The following ITGB1BP1 variants were observed in gnomAD, a reference collection of about 807,000 sequenced individuals.
The protein encoded by ITGB1BP1 is integrin beta-1-binding protein 1.
Under a neutral mutation model 28.0 loss-of-function variants are expected in ITGB1BP1, and 20 were observed. The ratio of observed to expected loss-of-function variants is 0.71; its 90% CI spans 0.50 to 1.04. The LOEUF is 1.04. Among genes scored for constraint, ITGB1BP1 ranks in the 50% least tolerant of loss-of-function variants. The pLI, the probability that ITGB1BP1 is intolerant of heterozygous loss-of-function variation, is 0.00. For missense variants in ITGB1BP1, 228 were observed against 242.5 expected, an observed-to-expected ratio of 0.94 and a Z score of 0.40; for synonymous variants, 103 against 89.5, an observed-to-expected ratio of 1.15 and a Z score of -0.85.
At chr2:9,421,511 C>A (rs189825953) in intron 1 of ITGB1BP1, among the ~76,000 whole-genome samples, 220 of 152,118 alleles carry the variant, frequency 1.4e-3, no homozygotes, top group African/African-American at 5.1e-3. Context: ...CATGGTGAAA[C>A]CCCGTCTCTA....
At chr2:9,408,012 C>T in intron 5 of ITGB1BP1, 101 bp downstream of exon 5, 2 of 694,632 alleles carry the variant, frequency 2.9e-6, no homozygotes, top group Non-Finnish European at 5.0e-6. Context: ...ACAAACCAAT[C>T]ACTCTGCAAA....
At chr2:9,423,558 C>A (rs570115921), upstream of ITGB1BP1, 1 of 1,133,672 alleles carries the variant, frequency 8.8e-7, no homozygotes, top group East Asian at 3.1e-5. Flanking sequence ...GTCCTACCCC[C>A]GGTTCCAAGA....
In ITGB1BP1 at chr2:9,404,775, T is replaced by C. The variant is rs1677070927; in HGVS notation, c.*2059A>G. ...TTGGCATTGTACTTTTTGTTTTTGT[T>C]ATAAAGGAAGACAGAACAAACTGGA... On this transcript the variant is annotated 3_prime_UTR_variant, in exon 7 of 7. Coordinates refer to ENST00000355346, the MANE Select transcript of ITGB1BP1 (RefSeq NM_004763.5). 1.3e-5 allele frequency: 2 copies of C among 152,544 alleles called. No homozygotes were observed. Among genetic ancestry groups the C allele is most frequent in the Admixed American group, 1.3e-4 (2 of 15,264 alleles). The allele number at this position is 152,544 out of a possible 1,614,324, so 9.4% of individuals were successfully genotyped here. A position where few individuals can be genotyped will look rare whatever the true frequency, so the allele number is the denominator to read the frequency against.
At position 9,415,252 on chromosome 2, in the gene ITGB1BP1, A is replaced by C. The variant is rs1357191091; in HGVS notation, c.73-996T>G. Among the ~76,000 whole-genome samples the C allele has an allele frequency of 6.6e-6, 1 of 152,154 alleles. No homozygotes were observed. Among genetic ancestry groups the C allele is most frequent in the Non-Finnish European group, 1.5e-5 (1 of 68,022 alleles). On this transcript the variant is annotated intron_variant, in intron 2 of 6. Transcript: ENST00000355346. The surrounding 1 kb of genome is among the most constrained non-coding windows in gnomAD (Gnocchi z 4.1). ...AAATTAGCTGGGCATGGTGGCGGGC[A>C]CTTATAATCCTAGCTACTCGGGAGG... is the stretch of plus-strand genomic sequence containing the variant.
chr2:9,420,094 T>C (rs2148912760), intron 1 of ITGB1BP1: 2 of 971,700 alleles, frequency 2.1e-6, no homozygotes, highest in South Asian at 4.8e-5. Flanking sequence ...TCAGAGAAAC[T>C]ACGCACCTGA....
chr2:9,407,223 C>T, intron 6 of ITGB1BP1: 1 of 612,248 alleles, frequency 1.6e-6, no homozygotes, highest in South Asian at 2.0e-5. Flanking sequence ...CTTTGTTTAC[C>T]TTTTAAATCC....
At chr2:9,420,560 A>G (rs1006936229) in intron 1 of ITGB1BP1, among the ~76,000 whole-genome samples, 5 of 152,342 alleles carry the variant, frequency 3.3e-5, no homozygotes, top group African/African-American at 1.2e-4. Context: ...TCAGAAAAAG[A>G]TGCTGTAGCT....
intron 6 of ITGB1BP1, chr2:9,407,241 A>G (rs1355861793): frequency 1.9e-5 from 12 of 618,016 alleles, no homozygotes; most frequent in Non-Finnish European, 1.7e-5. Context: ...TCCCGGCACA[A>G]GCGAGTGCTG....
intron 4 of ITGB1BP1, 112 bp downstream of exon 4, chr2:9,412,157 A>G: frequency 1.2e-6 from 1 of 861,184 alleles, no homozygotes; most frequent in Non-Finnish European, 1.8e-6. Flanking sequence ...TTCAGTCGAG[A>G]GCAAGCGGAG....
chr2:9,410,980 T>C (rs1337978407), intron 4 of ITGB1BP1, among the ~76,000 whole-genome samples: 1 of 152,234 alleles, frequency 6.6e-6, no homozygotes, highest in Non-Finnish European at 1.5e-5. Flanking sequence ...TATCCCTCTT[T>C]TAATGCGCAC....
At chr2:9,410,836 C>G (rs754997880) in intron 4 of ITGB1BP1, among the ~76,000 whole-genome samples, 3 of 152,158 alleles carry the variant, frequency 2.0e-5, no homozygotes, top group Admixed American at 1.3e-4. Flanking sequence ...TCTGCCTCCC[C>G]CAAAATGCTG....
At chr2:9,423,138 G>T (rs989025318) in intron 1 of ITGB1BP1, 21 of 1,007,612 alleles carry the variant, frequency 2.1e-5, no homozygotes, top group Admixed American at 6.1e-5. Flanking sequence ...GGGCGACAGC[G>T]GCTCGGGAAG....
chr2:9,412,536 A>G, intron 3 of ITGB1BP1, 131 bp from the exon 4 acceptor site: 1 of 709,344 alleles, frequency 1.4e-6, no homozygotes. Flanking sequence ...TATAATACAC[A>G]ATATTTTTAT....
intron 4 of ITGB1BP1, 144 bp downstream of exon 4, chr2:9,412,125 T>C (rs1392549973): frequency 1.5e-6 from 1 of 659,198 alleles, no homozygotes; most frequent in Admixed American, 2.9e-5. Flanking sequence ...CTCACGCACA[T>C]GTGCGGTGGT....
chr2:9,421,955 T>C (rs2148920697), intron 1 of ITGB1BP1, among the ~76,000 whole-genome samples: 1 of 152,178 alleles, frequency 6.6e-6, no homozygotes, highest in Admixed American at 6.5e-5. Context: ...CCTGAAGAGC[T>C]CTCTGAGCCA....
In ITGB1BP1 at chr2:9,415,498, T is replaced by C. The variant is rs1679010798; in HGVS notation, c.73-1242A>G. On this transcript the variant is annotated intron_variant, in intron 2 of 6. Transcript: ENST00000355346. The surrounding 1 kb of genome is among the most constrained non-coding windows in gnomAD (Gnocchi z 4.1). ...TGGCAGGCTGAGGCAGGAGAATCGC[T>C]TGAACCCACAGGCAGAGGTTGCAGT... 6.6e-6 allele frequency among the ~76,000 whole-genome samples: 1 copy of C among 152,052 alleles called. No individual in the cohort carries two copies. The highest frequency in any genetic ancestry group is 2.4e-5 in the African/African-American group (1 of 41,398).
In ITGB1BP1 at chr2:9,403,988, C is replaced by T. The variant is rs1343885706; in HGVS notation, c.*2846G>A. On this transcript the variant is annotated 3_prime_UTR_variant, in exon 7 of 7. Coordinates refer to ENST00000355346, the MANE Select transcript of ITGB1BP1 (RefSeq NM_004763.5). ...GATGGTTTATGACAACGTAGGGTAA[C>T]TACAGTTCATTCTGTTCCAGGTTAT... 1 of 152,250 alleles carries T rather than the reference C, an allele frequency of 6.6e-6. No individual in the cohort carries two copies. Among genetic ancestry groups the T allele is most frequent in the African/African-American group, 2.4e-5 (1 of 41,456 alleles). 9.4% of individuals were successfully genotyped at this position (152,250 alleles called of 1,614,324 possible).
chr2:9,415,611 A>G lies in ITGB1BP1; in HGVS notation c.73-1355T>C, dbSNP rs184825331. ...TAAAAATAAAACAAGACATTGGGCC[A>G]CACAGATGAGATTTCCCTGTAGGGT... On this transcript the variant is annotated intron_variant, in intron 2 of 6. Coordinates refer to ENST00000355346, the MANE Select transcript of ITGB1BP1 (RefSeq NM_004763.5). This position sits in a 1 kb window ranked among gnomAD's most constrained non-coding sequence, Gnocchi z 4.1. 2.0e-4 allele frequency among the ~76,000 whole-genome samples: 30 copies of G among 152,308 alleles called. No individual in the cohort carries two copies. Among genetic ancestry groups the G allele is most frequent in the Admixed American group, 1.4e-3 (21 of 15,300 alleles).
rs1038534826 is a variant in ITGB1BP1 at position 9,415,052 on chromosome 2, T to TG, written c.73-797dup. Among the ~76,000 whole-genome samples the TG allele has an allele frequency of 3.9e-5, 6 of 152,000 alleles. No homozygotes were observed. Among genetic ancestry groups the TG allele is most frequent in the Non-Finnish European group, 8.8e-5 (6 of 67,980 alleles). Reference sequence around the variant, plus strand: ...TGAGGACAGGAGTTCGAAACCAGCCTGGCCAACATGGTGAAACCCCGTCTC... The same window carrying TG: ...TGAGGACAGGAGTTCGAAACCAGCCTGGGCCAACATGGTGAAACCCCGTCTC... On this transcript the variant is annotated intron_variant, in intron 2 of 6. Coordinates refer to ENST00000355346, the MANE Select transcript of ITGB1BP1 (RefSeq NM_004763.5). The surrounding 1 kb of genome is among the most constrained non-coding windows in gnomAD (Gnocchi z 4.1).
Sources: gnomAD v4.1 joint callset for allele counts (sites outside exome capture counted in the v4.1 genomes callset) on GRCh38, gnomAD v4.1.1 for gene constraint, Gnocchi (gnomAD v3.1) non-coding constraint, MANE v1.5 for transcripts, NCBI Gene and HGNC (gene_info 2026-07-23, HGNC 2026-07-21) for gene names.